Variants in SPMIP11 observed in about 807,000 individuals in gnomAD.
The protein encoded by SPMIP11 is long intergenic non-protein coding RNA 935.
At chr12:48,753,500 T>C in the SPMIP11 span, among the ~76,000 whole-genome samples, 1 of 152,148 alleles carries the variant, frequency 6.6e-6, no homozygotes, top group African/African-American at 2.4e-5. Flanking sequence ...TCTCATTTCC[T>C]GGATCCTGTT....
the SPMIP11 span, among the ~76,000 whole-genome samples, chr12:48,765,315 T>A: frequency 6.6e-6 from 1 of 152,172 alleles, no homozygotes; most frequent in Non-Finnish European, 1.5e-5. Flanking sequence ...GGCAGTAGCC[T>A]CTGCCACCCA....
At chr12:48,747,033 C>G in the SPMIP11 span, among the ~76,000 whole-genome samples, 1 of 152,200 alleles carries the variant, frequency 6.6e-6, no homozygotes, top group African/African-American at 2.4e-5. Flanking sequence ...AGTTTTCTTA[C>G]CCAGCTTGCT....
At chr12:48,751,305 T>C in the SPMIP11 span, among the ~76,000 whole-genome samples, 2 of 152,202 alleles carry the variant, frequency 1.3e-5, no homozygotes, top group African/African-American at 4.8e-5. Context: ...TACTTTGGTC[T>C]ATCCTTGACT....
At chr12:48,746,273 A>G in the SPMIP11 span, among the ~76,000 whole-genome samples, 1 of 152,146 alleles carries the variant, frequency 6.6e-6, no homozygotes, top group African/African-American at 2.4e-5. Context: ...GATTTTATGT[A>G]AAACCAACAT....
the SPMIP11 span, among the ~76,000 whole-genome samples, chr12:48,739,034 A>T: frequency 6.8e-6 from 1 of 147,698 alleles, no homozygotes; most frequent in Admixed American, 6.8e-5. Context: ...TTCCTTTGTT[A>T]TATTTTCTGT....
At chr12:48,756,324 C>A in the SPMIP11 span, among the ~76,000 whole-genome samples, 3 of 152,164 alleles carry the variant, frequency 2.0e-5, no homozygotes, top group Non-Finnish European at 2.9e-5. Flanking sequence ...CCCCATGGTT[C>A]AGTCCAGGCT....
At chr12:48,745,450 C>CA in the SPMIP11 span, among the ~76,000 whole-genome samples, 1 of 151,888 alleles carries the variant, frequency 6.6e-6, no homozygotes, top group South Asian at 2.1e-4. Flanking sequence ...ACTAAAAATA[C>CA]AAAAAAATTA....
At chr12:48,747,965 A>G in the SPMIP11 span, among the ~76,000 whole-genome samples, 1 of 152,186 alleles carries the variant, frequency 6.6e-6, no homozygotes, top group Non-Finnish European at 1.5e-5. Context: ...TACCATAACC[A>G]CAGATGTCAA....
the SPMIP11 span, among the ~76,000 whole-genome samples, chr12:48,731,916 A>G: frequency 6.6e-6 from 1 of 152,144 alleles, no homozygotes; most frequent in Non-Finnish European, 1.5e-5. Flanking sequence ...TGGGAGGCTG[A>G]TGCGGGCAGA....
the SPMIP11 span, among the ~76,000 whole-genome samples, chr12:48,761,977 G>A: frequency 1.3e-5 from 2 of 149,354 alleles, no homozygotes; most frequent in Non-Finnish European, 3.0e-5. Flanking sequence ...TGGAATTACA[G>A]GTGTGAGCCA....
the SPMIP11 span, among the ~76,000 whole-genome samples, chr12:48,738,626 C>T: frequency 5.3e-5 from 8 of 151,976 alleles, no homozygotes; most frequent in South Asian, 2.1e-4. Context: ...GCTCCGCCTC[C>T]GGGGTTCATG....
the SPMIP11 span, among the ~76,000 whole-genome samples, chr12:48,756,771 C>CTTTTTTTTT: frequency 9.2e-6 from 1 of 108,648 alleles, no homozygotes; most frequent in African/African-American, 2.9e-5. Context: ...ATTTTTTTTT[C>CTTTTTTTTT]TTTTTTTCTT....
At chr12:48,732,536 G>T in the SPMIP11 span, among the ~76,000 whole-genome samples, 1 of 150,172 alleles carries the variant, frequency 6.7e-6, no homozygotes, top group Non-Finnish European at 1.5e-5. Context: ...TTGGGAGGCC[G>T]AGGCGGGCAG....
the SPMIP11 span, chr12:48,765,883 G>A: frequency 1.9e-6 from 1 of 524,682 alleles, no homozygotes; most frequent in East Asian, 3.2e-5. Context: ...GGAGATTCCT[G>A]AATAAGCCAG....
At chr12:48,742,353 C>T in the SPMIP11 span, among the ~76,000 whole-genome samples, 1 of 146,610 alleles carries the variant, frequency 6.8e-6, no homozygotes, top group South Asian at 2.2e-4. Flanking sequence ...ACGATCTCGG[C>T]TCACCGCAAC....
the SPMIP11 span, among the ~76,000 whole-genome samples, chr12:48,744,248 CAAAAA>C: frequency 1.0e-5 from 1 of 98,284 alleles, no homozygotes; most frequent in Non-Finnish European, 2.0e-5. Flanking sequence ...AGCAACCTCT[CAAAAA>C]AAAAAAAAAA....
At chr12:48,751,295 T>C in the SPMIP11 span, among the ~76,000 whole-genome samples, 1 of 152,200 alleles carries the variant, frequency 6.6e-6, no homozygotes, top group African/African-American at 2.4e-5. Flanking sequence ...GTGGGGAACA[T>C]ACTTTGGTCT....
At chr12:48,742,800 G>A in the SPMIP11 span, among the ~76,000 whole-genome samples, 14 of 151,598 alleles carry the variant, frequency 9.2e-5, no homozygotes, top group African/African-American at 1.7e-4. Flanking sequence ...CAGGAGGATC[G>A]CTTGAACCCA....
the SPMIP11 span, chr12:48,771,045 C>A: frequency 6.8e-7 from 1 of 1,464,288 alleles, no homozygotes; most frequent in Admixed American, 1.9e-5. This position sits in a 1 kb window ranked among gnomAD's most constrained non-coding sequence, Gnocchi z 4.3. Flanking sequence ...TCATTTCTTG[C>A]CACGCCTTGG....
Sources: gnomAD v4.1 joint callset for allele counts (sites outside exome capture counted in the v4.1 genomes callset) on GRCh38, gnomAD v4.1.1 for gene constraint, Gnocchi (gnomAD v3.1) non-coding constraint, MANE v1.5 for transcripts, NCBI Gene and HGNC (gene_info 2026-07-23, HGNC 2026-07-21) for gene names.